THSD7B: variants seen among roughly 807,000 people sequenced by gnomAD.
THSD7B encodes thrombospondin type-1 domain-containing protein 7B.
Under a neutral mutation model 213.6 loss-of-function variants are expected in THSD7B, and 138 were observed. The ratio of observed to expected loss-of-function variants is 0.65; its 90% CI spans 0.56 to 0.74. THSD7B has a LOEUF of 0.74. THSD7B is among the 30% of genes least tolerant of loss of function. The pLI is 0.00. For synonymous variants in THSD7B, 742 were observed against 687.0 expected (o/e 1.08, Z -1.25); for missense variants, 1,931 against 1,991.5 (o/e 0.97, Z 0.58).
intron 15 of THSD7B, among the ~76,000 whole-genome samples, chr2:137,469,646 G>A (rs1468248860): frequency 6.6e-6 from 1 of 152,100 alleles, no homozygotes; most frequent in Non-Finnish European, 1.5e-5. Flanking sequence ...ATAAAACTTA[G>A]CAGTGAAAAG....
At chr2:136,801,297 G>A (rs1432235994) in intron 1 of THSD7B, among the ~76,000 whole-genome samples, 1 of 152,074 alleles carries the variant, frequency 6.6e-6, no homozygotes, top group African/African-American at 2.4e-5. Context: ...CCAAAGTTCA[G>A]TTTCCATTCT....
chr2:137,204,457 G>C (rs1481825897), intron 7 of THSD7B, among the ~76,000 whole-genome samples: 1 of 151,968 alleles, frequency 6.6e-6, no homozygotes, highest in Non-Finnish European at 1.5e-5. Context: ...TATTTTGCAG[G>C]TCACTTTATC....
chr2:137,399,076 G>A lies in THSD7B; in HGVS notation c.2501-6537G>A, dbSNP rs184043201. Among the ~76,000 whole-genome samples the A allele has an allele frequency of 2.1e-3, 314 of 152,004 alleles. 2 individuals carry two copies. The highest frequency in any genetic ancestry group is 7.1e-3 in the African/African-American group (296 of 41,468). On this transcript the variant is annotated intron_variant, in intron 12 of 27. Transcript: ENST00000409968. ...TGCGCCCACTGTCTGGCACTCCCTAGTGAGATGAACCCGGTACCTCAGATG... is the reference window on the plus strand; with the variant it reads ...TGCGCCCACTGTCTGGCACTCCCTAATGAGATGAACCCGGTACCTCAGATG...
chr2:137,473,846 C>T (rs75978879), intron 15 of THSD7B, among the ~76,000 whole-genome samples: 2,162 of 152,252 alleles, frequency 0.014, 49 homozygotes, highest in African/African-American at 0.047. Context: ...TCAAGTGCTC[C>T]TCAGGCATTC....
At chr2:137,485,466 G>A (rs2105112399) in intron 15 of THSD7B, among the ~76,000 whole-genome samples, 1 of 152,286 alleles carries the variant, frequency 6.6e-6, no homozygotes, top group East Asian at 1.9e-4. Flanking sequence ...GATGCCTCCA[G>A]CTTTGTTCTT....
chr2:137,669,000 A>T (rs1683508533), intron 27 of THSD7B, among the ~76,000 whole-genome samples: 1 of 152,122 alleles, frequency 6.6e-6, no homozygotes. Flanking sequence ...GTGTTGTTCA[A>T]GGGTCAACTG....
At chr2:137,283,146 G>T (rs1239035453) in intron 12 of THSD7B, among the ~76,000 whole-genome samples, 1 of 151,996 alleles carries the variant, frequency 6.6e-6, no homozygotes, top group Non-Finnish European at 1.5e-5. Context: ...GGATTCCTAG[G>T]TATTTTATTC....
intron 1 of THSD7B, among the ~76,000 whole-genome samples, chr2:136,806,684 A>C (rs759590212): frequency 1.3e-5 from 2 of 152,218 alleles, no homozygotes; most frequent in Non-Finnish European, 2.9e-5. Flanking sequence ...ACAGAAGACG[A>C]ATCTGCTAAC....
Position 137,300,126 on chromosome 2 carries a change from A to G in THSD7B, c.2500+24100A>G, listed in dbSNP as rs189339776. ...ATTGTTCCTCTACATTTCATGTGCT[A>G]AGGGAAATCAAATAGGAATTTTATT... On this transcript the variant is annotated intron_variant, in intron 12 of 27. Transcript: ENST00000409968. 3.0e-4 allele frequency among the ~76,000 whole-genome samples: 46 copies of G among 152,276 alleles called. No individual in the cohort carries two copies. In the East Asian group the frequency reaches 6.0e-3, roughly 20 times the overall value.
rs553078348 is a variant in THSD7B at position 137,405,766 on chromosome 2, C to T, written c.2654C>T (p.Thr885Met). The change falls in exon 13 of 28, where the codon ACG becomes ATG. Residue 885 changes from threonine to methionine, a missense_variant. By Grantham distance (81) the Thr-to-Met change is moderately conservative. Coordinates refer to ENST00000409968, the MANE Select transcript of THSD7B (RefSeq NM_001316349.2). Reference protein sequence around the residue: ...TAWSKFTPCSTNCEATKSRRR... With the variant: ...TAWSKFTPCSMNCEATKSRRR... The stretch of plus-strand genomic sequence containing the variant: ...TGGTCCAAGTTTACGCCCTGCTCCA[C>T]GAACTGTGAAGCCACAAAAAGTAGG... 180 of 1,613,294 alleles carry T rather than the reference C, an allele frequency of 1.1e-4. 3 individuals are homozygous for T. In the South Asian group the frequency reaches 1.9e-3, roughly 17 times the overall value.
At chr2:136,901,078 A>AT (rs5834521) in intron 2 of THSD7B, among the ~76,000 whole-genome samples, 219 of 150,542 alleles carry the variant, frequency 1.5e-3, no homozygotes, top group African/African-American at 4.5e-3. Flanking sequence ...TATTCCTTGG[A>AT]TTTTTTTTTT....
Position 137,657,108 on chromosome 2 carries a change from C to G in THSD7B, c.4323C>G (p.Asn1441Lys). The change falls in exon 24 of 28, where the codon AAC (asparagine) becomes AAG (lysine). Residue 1441 changes from asparagine to lysine, a missense_variant. By Grantham distance (94) the Asn-to-Lys change is moderately conservative. Coordinates refer to ENST00000409968, the MANE Select transcript of THSD7B (RefSeq NM_001316349.2). ...YHYTWKASLW[N>K]NNERTVWCQR... Reference sequence around the variant, plus strand: ...ACACATGGAAAGCAAGTCTTTGGAACAATAACGAACGAACTGTATGGTGCC... The same window carrying G: ...ACACATGGAAAGCAAGTCTTTGGAAGAATAACGAACGAACTGTATGGTGCC... 1 of 1,613,974 alleles carries G rather than the reference C, an allele frequency of 6.2e-7. No individual in the cohort carries two copies. Among genetic ancestry groups the G allele is most frequent in the Non-Finnish European group, 8.5e-7 (1 of 1,179,906 alleles).
chr2:137,280,470 T>C (rs1186097797), intron 12 of THSD7B, among the ~76,000 whole-genome samples: 1 of 152,218 alleles, frequency 6.6e-6, no homozygotes, highest in East Asian at 1.9e-4. Context: ...TATGCATTTG[T>C]TGCTGACCTG....
At chr2:137,176,890 G>T (rs1050831892) in intron 7 of THSD7B, among the ~76,000 whole-genome samples, 2 of 152,078 alleles carry the variant, frequency 1.3e-5, no homozygotes, top group African/African-American at 2.4e-5. Flanking sequence ...TTTGTGACTG[G>T]CTCCCTGGCA....
At chr2:137,196,653 G>A (rs1680771892) in intron 7 of THSD7B, among the ~76,000 whole-genome samples, 1 of 151,938 alleles carries the variant, frequency 6.6e-6, no homozygotes, top group African/African-American at 2.4e-5. Context: ...GACACCTTTT[G>A]CCTTCTGATA....
At chr2:137,336,993 C>T (rs1344243945) in intron 12 of THSD7B, among the ~76,000 whole-genome samples, 1 of 151,618 alleles carries the variant, frequency 6.6e-6, no homozygotes, top group Non-Finnish European at 1.5e-5. Flanking sequence ...TATACTGATT[C>T]CTTGTATGCC....
At chr2:137,019,926 C>A (rs1416839842) in intron 2 of THSD7B, among the ~76,000 whole-genome samples, 1 of 152,036 alleles carries the variant, frequency 6.6e-6, no homozygotes, top group Non-Finnish European at 1.5e-5. Flanking sequence ...AATTTTAGTC[C>A]AGCTACTCAG....
At position 136,825,718 on chromosome 2, in the gene THSD7B, A is replaced by ATTTTTTTTTTTTT. The variant is rs55814718; in HGVS notation, c.-35-56422_-35-56410dup. Among the ~76,000 whole-genome samples the ATTTTTTTTTTTTT allele has an allele frequency of 2.0e-3, 233 of 116,868 alleles. 25 individuals carry two copies. Among genetic ancestry groups the ATTTTTTTTTTTTT allele is most frequent in the African/African-American group, 7.5e-3 (224 of 29,872 alleles). The allele number at this position is 116,868 out of a possible 152,430, so 76.7% of individuals were successfully genotyped here. On this transcript the variant is annotated intron_variant, in intron 1 of 27. Coordinates refer to ENST00000409968, the MANE Select transcript of THSD7B (RefSeq NM_001316349.2). Reference sequence around the variant, plus strand: ...AGGTGCTCACTGCCATGCCTGGCTAATTTTTTTTTTTTTTTTAGATCTGGG... The same window carrying ATTTTTTTTTTTTT: ...AGGTGCTCACTGCCATGCCTGGCTAATTTTTTTTTTTTTTTTTTTTTTTTTTTTTAGATCTGGG...
At chr2:136,804,304 T>G (rs1682244460) in intron 1 of THSD7B, among the ~76,000 whole-genome samples, 1 of 152,112 alleles carries the variant, frequency 6.6e-6, no homozygotes, top group African/African-American at 2.4e-5. Context: ...TGAATTAATG[T>G]GTCTATATAG....
Sources: allele counts gnomAD v4.1 joint callset (sites outside exome capture counted in the v4.1 genomes callset), GRCh38; gene constraint gnomAD v4.1.1; transcripts MANE v1.5; gene names NCBI Gene and HGNC (gene_info 2026-07-23, HGNC 2026-07-21).